The following ANOS1 variants were observed in gnomAD, a reference collection of about 807,000 sequenced individuals.
ANOS1 encodes the protein anosmin-1.
A neutral mutation model predicts 59.0 loss-of-function variants in ANOS1; 6 were observed. The ratio of observed to expected loss-of-function variants is 0.10; its 90% CI spans 0.06 to 0.20. The LOEUF is 0.20. Ranked by LOEUF, ANOS1 falls within the 10% of genes least tolerant of loss-of-function variation. The pLI is 1.00. For synonymous variants in ANOS1, 217 were observed against 223.4 expected, an observed-to-expected ratio of 0.97 and a Z score of 0.25; for missense variants, 433 against 542.3, an observed-to-expected ratio of 0.80 and a Z score of 2.00.
At chrX:8,693,848 C>T (rs1463665388) in intron 2 of ANOS1, among the ~76,000 whole-genome samples, 1 of 107,437 alleles carries the variant, frequency 9.3e-6, no homozygotes, top group African/African-American at 3.4e-5. Context: ...CGCAGCCTCC[C>T]AAGTAGCTGG....
At chrX:8,729,391 CTTTTTT>C (rs1162458402) in intron 1 of ANOS1, among the ~76,000 whole-genome samples, 1 of 72,626 alleles carries the variant, frequency 1.4e-5, no homozygotes, top group African/African-American at 6.8e-5. Context: ...ACCTTCCTTC[CTTTTTT>C]TTTTTTTTTT....
chrX:8,651,614 C>T (rs942868945), intron 2 of ANOS1, among the ~76,000 whole-genome samples: 4 of 111,898 alleles, frequency 3.6e-5, no homozygotes, highest in Non-Finnish European at 7.5e-5. Flanking sequence ...AATCAAGAAA[C>T]GATTTCCCAA....
At chrX:8,563,152 T>C (rs1204876792) in intron 8 of ANOS1, among the ~76,000 whole-genome samples, 1 of 112,439 alleles carries the variant, frequency 8.9e-6, no homozygotes, top group Non-Finnish European at 1.9e-5. Flanking sequence ...CCAAACAATG[T>C]GTGTTACTAT....
At chrX:8,540,724 T>A (rs905806387) in intron 9 of ANOS1, among the ~76,000 whole-genome samples, 1 of 106,821 alleles carries the variant, frequency 9.4e-6, no homozygotes, top group African/African-American at 3.4e-5. Context: ...AACTCTTTGA[T>A]GAAATTGGGT....
At chrX:8,659,538 TTTCC>T (rs200912660) in intron 2 of ANOS1, among the ~76,000 whole-genome samples, 9,615 of 94,742 alleles carry the variant, frequency 0.1, 750 homozygotes, top group African/African-American at 0.22. Context: ...TTTCTTTCTC[TTTCC>T]TTCCTTCCTT....
chrX:8,629,195 G>T (rs1931445642), intron 2 of ANOS1, among the ~76,000 whole-genome samples: 2 of 111,157 alleles, frequency 1.8e-5, no homozygotes, highest in Admixed American at 1.9e-4. Flanking sequence ...ACTGCAGAAT[G>T]CACCACTGCA....
At chrX:8,606,256 C>T (rs1601975335) in intron 3 of ANOS1, among the ~76,000 whole-genome samples, 1 of 111,911 alleles carries the variant, frequency 8.9e-6, no homozygotes, top group African/African-American at 3.2e-5. Context: ...ATTAAGCATA[C>T]AGTGGAAAAA....
intron 4 of ANOS1, among the ~76,000 whole-genome samples, chrX:8,596,648 G>C (rs1930741465): frequency 9.0e-6 from 1 of 111,548 alleles, no homozygotes; most frequent in African/African-American, 3.3e-5. Flanking sequence ...CAGTATATTT[G>C]TTATGCATTT....
intron 2 of ANOS1, among the ~76,000 whole-genome samples, chrX:8,649,137 T>C (rs2030694923): frequency 8.9e-6 from 1 of 111,861 alleles, no homozygotes; most frequent in African/African-American, 3.3e-5. Flanking sequence ...ATTCCTTTAG[T>C]GCCCAGAGTA....
chrX:8,605,645 C>CAA (rs368596236), intron 3 of ANOS1, among the ~76,000 whole-genome samples: 9 of 47,882 alleles, frequency 1.9e-4, no homozygotes, highest in Non-Finnish European at 2.7e-4. Context: ...GACTCCATCT[C>CAA]AAAAAAAAAA....
chrX:8,668,243 T>G (rs900344060), intron 2 of ANOS1, among the ~76,000 whole-genome samples: 3 of 107,305 alleles, frequency 2.8e-5, no homozygotes. Flanking sequence ...TTTTGCATCC[T>G]CATAGCTTAG....
chrX:8,637,222 G>T (rs1201529714), intron 2 of ANOS1, among the ~76,000 whole-genome samples: 1 of 112,015 alleles, frequency 8.9e-6, no homozygotes, highest in Non-Finnish European at 1.9e-5. Context: ...TTTGCACAGG[G>T]TTTAGAAGAG....
In ANOS1 at chrX:8,715,799, C is replaced by T. The variant is rs756338234; in HGVS notation, c.207+16031G>A. On this transcript the variant is annotated intron_variant, in intron 1 of 13. Transcript: ENST00000262648. ...TTTTATTTTAGCGATAGGGTCTCAC[C>T]GTGTTGCCCAGGCTAGACTAGAACT... 2.7e-5 allele frequency among the ~76,000 whole-genome samples: 3 copies of T among 110,556 alleles called. No individual in the cohort carries two copies. The East Asian group carries it at 8.5e-4, about 31-fold the overall frequency.
chrX:8,664,584 C>A (rs1280913986), intron 2 of ANOS1, among the ~76,000 whole-genome samples: 1 of 110,283 alleles, frequency 9.1e-6, no homozygotes, highest in Non-Finnish European at 1.9e-5. Context: ...TGCGTGCATG[C>A]ACACACACAC....
intron 9 of ANOS1, among the ~76,000 whole-genome samples, chrX:8,542,267 T>C (rs1325483223): frequency 8.9e-6 from 1 of 111,950 alleles, no homozygotes; most frequent in Non-Finnish European, 1.9e-5. Context: ...AACTCAACTT[T>C]GCTGTAGCTA....
At chrX:8,559,757 C>T (rs7066581) in intron 8 of ANOS1, among the ~76,000 whole-genome samples, 5,107 of 111,820 alleles carry the variant, frequency 0.046, 284 homozygotes, top group African/African-American at 0.16. Context: ...GAAAACTTCT[C>T]AGAGGCTCTC....
At chrX:8,562,643 T>G (rs1930052095) in intron 8 of ANOS1, among the ~76,000 whole-genome samples, 1 of 112,403 alleles carries the variant, frequency 8.9e-6, no homozygotes, top group African/African-American at 3.2e-5. Context: ...ATTCTTGTTC[T>G]GGAGAGCCAG....
Position 8,684,528 on chromosome X carries a change from T to C in ANOS1, c.255+15170A>G, listed in dbSNP as rs1285337853. 4.5e-5 allele frequency among the ~76,000 whole-genome samples: 5 copies of C among 110,965 alleles called. No homozygotes were observed. The Admixed American group carries it at 4.8e-4, about 11-fold the overall frequency. ...TTCAGAATGCCAGCCTTAATAAGTA[T>C]CTTTTTGTGGAAGGATTTAGGAGGA... On this transcript the variant is annotated intron_variant, in intron 2 of 13. Transcript: ENST00000262648.
chrX:8,651,490 A>T (rs2146864427), intron 2 of ANOS1, among the ~76,000 whole-genome samples: 1 of 112,568 alleles, frequency 8.9e-6, no homozygotes, highest in African/African-American at 3.2e-5. Flanking sequence ...TCCTTTTTCA[A>T]AGCTATGTTC....
Sources: gnomAD v4.1 joint callset for allele counts (sites outside exome capture counted in the v4.1 genomes callset) on GRCh38, gnomAD v4.1.1 for gene constraint, MANE v1.5 for transcripts, NCBI Gene and HGNC (gene_info 2026-07-23, HGNC 2026-07-21) for gene names.